Variants in STK32C observed in about 807,000 individuals in gnomAD.
STK32C encodes the protein serine/threonine-protein kinase 32C.
A neutral mutation model predicts 56.5 loss-of-function variants in STK32C; 31 were observed. The ratio of observed to expected loss-of-function variants is 0.55; its 90% CI spans 0.41 to 0.74. The LOEUF is 0.74. Among genes scored for constraint, STK32C ranks in the 30% least tolerant of loss-of-function variants. STK32C has a pLI of 0.00. For missense variants in STK32C, 544 were observed against 676.9 expected, an observed-to-expected ratio of 0.80 and a Z score of 2.18; for synonymous variants, 309 against 289.4, an observed-to-expected ratio of 1.07 and a Z score of -0.69.
chr10:132,254,362 T>C (rs1223240560), intron 1 of STK32C, among the ~76,000 whole-genome samples: 1 of 152,106 alleles, frequency 6.6e-6, no homozygotes, highest in Non-Finnish European at 1.5e-5. Context: ...AGGGCTTGTA[T>C]CAAAACTGGT....
chr10:132,331,860 G>C (rs778201107), upstream of STK32C: 2 of 1,388,362 alleles, frequency 1.4e-6, no homozygotes, highest in East Asian at 4.8e-5. Context: ...GCTACCGTTG[G>C]CCGCGTGCGT....
In STK32C at chr10:132,226,933, A is replaced by G; in HGVS notation, c.506T>C (p.Val169Ala). ...SFQDEEDMFM[V>A]VDLLLGGDLR... ...GTCCCCGCCCAGTAGCAGGTCCACGACCATGAACATGTCCTCCTCGTCCTG... is the reference window on the plus strand; with the variant it reads ...GTCCCCGCCCAGTAGCAGGTCCACGGCCATGAACATGTCCTCCTCGTCCTG... The change falls in exon 4 of 12, where the codon GTC (valine) becomes GCC (alanine). Residue 169 changes from valine to alanine, a missense_variant. Coordinates refer to ENST00000298630, the MANE Select transcript of STK32C (RefSeq NM_173575.4). The G allele has an allele frequency of 6.2e-7, 1 of 1,613,390 alleles. No individual in the cohort carries two copies. The highest frequency in any genetic ancestry group is 8.5e-7 in the Non-Finnish European group (1 of 1,180,014).
chr10:132,282,031 C>T lies in STK32C; in HGVS notation c.262+25541G>A, dbSNP rs540619907. Among the ~76,000 whole-genome samples the T allele has an allele frequency of 1.1e-3, 160 of 152,320 alleles. 1 individual carries two copies. The highest frequency in any genetic ancestry group is 3.6e-3 in the African/African-American group (148 of 41,562). ...TCAGAGGGAGGCGCCTCCCTGATCC[C>T]GGCCTGGAGGCAGAGCCGCCAGCTG... is the stretch of plus-strand genomic sequence containing the variant. On this transcript the variant is annotated intron_variant, in intron 1 of 11. Coordinates refer to ENST00000298630, the MANE Select transcript of STK32C (RefSeq NM_173575.4).
Position 132,223,529 on chromosome 10 carries a change from C to T in STK32C, c.994-543G>A, listed in dbSNP as rs555221289. On this transcript the variant is annotated intron_variant, in intron 8 of 11. Coordinates refer to ENST00000298630, the MANE Select transcript of STK32C (RefSeq NM_173575.4). Reference sequence around the variant, plus strand: ...CCTGGGCTTGGGCGTGTGGGTCATCCCCAGTCCCCACGCAGGCCCTCTCTA... The same window carrying T: ...CCTGGGCTTGGGCGTGTGGGTCATCTCCAGTCCCCACGCAGGCCCTCTCTA... Among the ~76,000 whole-genome samples the T allele has an allele frequency of 7.2e-5, 11 of 152,330 alleles. No homozygotes were observed. In the South Asian group the frequency reaches 2.3e-3, roughly 32 times the overall value.
intron 1 of STK32C, among the ~76,000 whole-genome samples, chr10:132,263,022 G>A (rs771606303): frequency 1.3e-5 from 2 of 152,244 alleles, no homozygotes; most frequent in African/African-American, 2.4e-5. Context: ...TTCAGCCACT[G>A]TGGAAAGCAG....
At chr10:132,293,673 A>G (rs1224367881) in intron 1 of STK32C, among the ~76,000 whole-genome samples, 1 of 152,198 alleles carries the variant, frequency 6.6e-6, no homozygotes, top group African/African-American at 2.4e-5. Flanking sequence ...CAGGGCAGGC[A>G]GGGCCAGAGT....
At chr10:132,326,014 C>A (rs535964154) in intron 1 of STK32C, among the ~76,000 whole-genome samples, 3 of 152,152 alleles carry the variant, frequency 2.0e-5, no homozygotes, top group Admixed American at 6.6e-5. Flanking sequence ...AGCCACCACG[C>A]TGGCCGGTAT....
upstream of STK32C, among the ~76,000 whole-genome samples, chr10:132,309,091 G>A (rs1266509559): frequency 6.6e-6 from 1 of 152,162 alleles, no homozygotes; most frequent in East Asian, 1.9e-4. Context: ...TCCCCAACAT[G>A]GCTCCAAGGC....
At chr10:132,209,544 C>T (rs1303457455) in intron 10 of STK32C, among the ~76,000 whole-genome samples, 1 of 152,226 alleles carries the variant, frequency 6.6e-6, no homozygotes, top group Non-Finnish European at 1.5e-5. Flanking sequence ...GTCTTAGAAG[C>T]AGGTCCTCAG....
intron 1 of STK32C, among the ~76,000 whole-genome samples, chr10:132,288,736 G>C (rs1198887201): frequency 6.6e-6 from 1 of 152,062 alleles, no homozygotes; most frequent in East Asian, 1.9e-4. Context: ...AATTACTTGG[G>C]GATAAATTTA....
Position 132,223,010 on chromosome 10 carries a change from G to A in STK32C, c.994-24C>T, listed in dbSNP as rs1020200909. On this transcript the variant is annotated intron_variant, in intron 8 of 11. Coordinates refer to ENST00000298630, the MANE Select transcript of STK32C (RefSeq NM_173575.4). ...AGCTGCAACCAGGCATGAGTCAGAG[G>A]GTCCAGGGCCCACAGCCCACCAGCA... The A allele has an allele frequency of 9.7e-6, 15 of 1,542,612 alleles. No homozygotes were observed. The Admixed American group carries it at 1.7e-4, about 18-fold the overall frequency.
chr10:132,208,989 TTCC>T, intron 11 of STK32C, 42 bp downstream of exon 11: 1 of 1,587,934 alleles, frequency 6.3e-7, no homozygotes, highest in South Asian at 1.1e-5. Flanking sequence ...TAGCCCCATT[TTCC>T]TCCTCTCTGC....
In STK32C at chr10:132,255,968, A is replaced by C. The variant is rs1433889797; in HGVS notation, c.263-10013T>G. Among the ~76,000 whole-genome samples, 2 of 151,876 alleles carry C rather than the reference A, an allele frequency of 1.3e-5. No individual in the cohort carries two copies. Among genetic ancestry groups the C allele is most frequent in the East Asian group, 3.9e-4 (2 of 5,164 alleles). On this transcript the variant is annotated intron_variant, in intron 1 of 11. Coordinates refer to ENST00000298630, the MANE Select transcript of STK32C (RefSeq NM_173575.4). This position sits in a 1 kb window ranked among gnomAD's most constrained non-coding sequence, Gnocchi z 4.6. Reference sequence around the variant, plus strand: ...CCTGGAGCCCTGGTGTCCAGCTTGGACTCGCCCGGGTGGCTTGGCGGCTTC... The same window carrying C: ...CCTGGAGCCCTGGTGTCCAGCTTGGCCTCGCCCGGGTGGCTTGGCGGCTTC...
chr10:132,240,331 G>T (rs932865212), intron 2 of STK32C, among the ~76,000 whole-genome samples: 6 of 152,206 alleles, frequency 3.9e-5, no homozygotes, highest in Non-Finnish European at 7.3e-5. Flanking sequence ...GCTCAGCCAC[G>T]GTGTCACAGT....
chr10:132,253,403 G>A lies in STK32C; in HGVS notation c.263-7448C>T, dbSNP rs938173083. On this transcript the variant is annotated intron_variant, in intron 1 of 11. Transcript: ENST00000298630. ...GGAGCCGAGGTAGCTGGAGGGAGTC[G>A]AGGGAGCTGGAGGGAGCTGGAGGGA... 4.4e-5 allele frequency among the ~76,000 whole-genome samples: 6 copies of A among 136,502 alleles called. 1 individual carries two copies. Among genetic ancestry groups the A allele is most frequent in the African/African-American group, 2.0e-4 (6 of 29,540 alleles). 89.6% of individuals were successfully genotyped at this position (136,502 alleles called of 152,430 possible).
chr10:132,263,366 A>T (rs12267865), intron 1 of STK32C, among the ~76,000 whole-genome samples: 8,468 of 151,282 alleles, frequency 0.056, 319 homozygotes, highest in African/African-American at 0.1. Flanking sequence ...ACATGTCCTC[A>T]TGTGTAGGTG....
intron 1 of STK32C, among the ~76,000 whole-genome samples, chr10:132,276,792 A>AAT (rs1590362253): frequency 1.3e-5 from 2 of 152,052 alleles, no homozygotes; most frequent in African/African-American, 2.4e-5. Context: ...CCTCAAAAAA[A>AAT]AAAAAACCCA....
At chr10:132,252,131 C>G (rs892097616) in intron 1 of STK32C, among the ~76,000 whole-genome samples, 1 of 152,252 alleles carries the variant, frequency 6.6e-6, no homozygotes, top group African/African-American at 2.4e-5. Flanking sequence ...GCCAAGAACC[C>G]GCTAGGGACA....
downstream of STK32C, among the ~76,000 whole-genome samples, chr10:132,323,400 A>G (rs920999599): frequency 2.0e-5 from 3 of 152,144 alleles, no homozygotes; most frequent in Non-Finnish European, 2.9e-5. The surrounding 1 kb of genome is among the most constrained non-coding windows in gnomAD (Gnocchi z 4.8). Context: ...CTCCATCCCT[A>G]GCGTTCTCAC....
Sources: allele counts gnomAD v4.1 joint callset (sites outside exome capture counted in the v4.1 genomes callset), GRCh38; gene constraint gnomAD v4.1.1; non-coding constraint Gnocchi (gnomAD v3.1); transcripts MANE v1.5; gene names NCBI Gene and HGNC (gene_info 2026-07-23, HGNC 2026-07-21).